Variants in TG observed in about 807,000 individuals in gnomAD.
TG encodes the protein thyroglobulin, also known as thyroid hormones.
In TG, 270 loss-of-function variants were observed where a neutral mutation model predicts 324.7. The observed-to-expected ratio is 0.83, with a 90% CI of 0.75 to 0.92. TG has a LOEUF of 0.92. Among genes scored for constraint, TG ranks in the 40% least tolerant of loss-of-function variants. The pLI is 0.00. For missense variants in TG, 3,591 were observed against 3,456.4 expected (o/e 1.04, Z -0.98); for synonymous variants, 1,401 against 1,327.0 (o/e 1.06, Z -1.21).
At chr8:132,948,734 C>G (rs761789685) in intron 26 of TG, 42 bp from the exon 27 acceptor site, 2 of 1,607,290 alleles carry the variant, frequency 1.2e-6, no homozygotes, top group South Asian at 2.2e-5. Flanking sequence ...CTAAAGGTCC[C>G]CCTCCATCAC....
intron 10 of TG, among the ~76,000 whole-genome samples, chr8:132,889,682 T>G (rs985526470): frequency 6.6e-6 from 1 of 152,234 alleles, no homozygotes; most frequent in Non-Finnish European, 1.5e-5. Flanking sequence ...CATGGGGACA[T>G]TCCTATAATT....
At chr8:133,020,226 G>C (rs879319184) in intron 39 of TG, among the ~76,000 whole-genome samples, 3 of 152,218 alleles carry the variant, frequency 2.0e-5, no homozygotes, top group Non-Finnish European at 4.4e-5. Flanking sequence ...GCATTTCCCA[G>C]TAACAGAGAG....
chr8:132,979,265 C>A (rs978209623), intron 34 of TG, among the ~76,000 whole-genome samples: 1 of 152,186 alleles, frequency 6.6e-6, no homozygotes, highest in Non-Finnish European at 1.5e-5. Flanking sequence ...AGAACTAGGG[C>A]TGCCCATCTT....
chr8:133,060,268 G>A, intron 41 of TG: 9 of 1,605,024 alleles, frequency 5.6e-6, no homozygotes, highest in Non-Finnish European at 7.7e-6. Context: ...GAATGACCCA[G>A]TTTAGAGAGC....
chr8:133,066,394 C>T (rs541784807), intron 41 of TG, among the ~76,000 whole-genome samples: 1 of 149,734 alleles, frequency 6.7e-6, no homozygotes, highest in South Asian at 2.1e-4. Flanking sequence ...GAAAGGAATA[C>T]TAGCTGTGCT....
intron 11 of TG, among the ~76,000 whole-genome samples, chr8:132,896,593 G>C (rs1817135626): frequency 6.6e-6 from 1 of 152,194 alleles, no homozygotes; most frequent in South Asian, 2.1e-4. Context: ...GGCCACTTAG[G>C]AGGAGGGTGG....
intron 21 of TG, among the ~76,000 whole-genome samples, chr8:132,922,228 A>G (rs1162043568): frequency 6.6e-6 from 1 of 152,210 alleles, no homozygotes; most frequent in Non-Finnish European, 1.5e-5. Context: ...TTGAAGGACA[A>G]GGGGACATTA....
In TG at chr8:132,988,064, GCACACA is replaced by G. The variant is rs35161639; in HGVS notation, c.6262+4686_6262+4691del. Reference sequence around the variant, plus strand: ...GAATGGGCAGCTTGTACATACACATGCACACACACACACACACACACACACACACAC... The same window carrying G: ...GAATGGGCAGCTTGTACATACACATGCACACACACACACACACACACACAC... On this transcript the variant is annotated intron_variant, in intron 35 of 47. Coordinates refer to ENST00000220616, the MANE Select transcript of TG (RefSeq NM_003235.5). Among the ~76,000 whole-genome samples the G allele has an allele frequency of 7.2e-3, 974 of 134,632 alleles. 14 individuals carry two copies. The highest frequency in any genetic ancestry group is 0.021 in the African/African-American group (763 of 36,290). 88.3% of individuals were successfully genotyped at this position (134,632 alleles called of 152,430 possible). A position where few individuals can be genotyped will look rare whatever the true frequency, so the allele number is the denominator to read the frequency against.
At chr8:133,113,123 C>A (rs1032244980) in intron 43 of TG, among the ~76,000 whole-genome samples, 17 of 152,186 alleles carry the variant, frequency 1.1e-4, no homozygotes, top group African/African-American at 4.1e-4. Context: ...TTAACCTTAA[C>A]AGAGCACTTA....
At chr8:133,075,439 A>G (rs1441660179) in intron 41 of TG, among the ~76,000 whole-genome samples, 1 of 152,202 alleles carries the variant, frequency 6.6e-6, no homozygotes, top group African/African-American at 2.4e-5. Context: ...CTTGGTGCCA[A>G]TGTGTGCGTC....
Position 132,924,303 on chromosome 8 carries a change from A to G in TG, c.4699+795A>G, listed in dbSNP as rs1035397305. 3.9e-5 allele frequency among the ~76,000 whole-genome samples: 6 copies of G among 152,040 alleles called. No individual in the cohort carries two copies. The South Asian group carries it at 6.2e-4, about 16-fold the overall frequency. On this transcript the variant is annotated intron_variant, in intron 22 of 47. Coordinates refer to ENST00000220616, the MANE Select transcript of TG (RefSeq NM_003235.5). ...TCAGGCAGTAATGCTCACTCTCCCA[A>G]TGCTCACCTCCTGCTGCGTGGCCCA...
At position 133,111,660 on chromosome 8, in the gene TG, C is replaced by T. The variant is rs545585291; in HGVS notation, c.7573-1762C>T. Among the ~76,000 whole-genome samples, 21 of 152,250 alleles carry T rather than the reference C, an allele frequency of 1.4e-4. No homozygotes were observed. In the South Asian group the frequency reaches 4.4e-3, roughly 32 times the overall value. On this transcript the variant is annotated intron_variant, in intron 43 of 47. Transcript: ENST00000220616. ...AAGAGTATGGAGTGTGAACATTATT[C>T]GTGAGTGCTATTTCAGGTCTGTGTC...
chr8:133,055,879 C>T (rs1473142938), intron 41 of TG, among the ~76,000 whole-genome samples: 1 of 151,262 alleles, frequency 6.6e-6, no homozygotes, highest in Non-Finnish European at 1.5e-5. Context: ...GCAGGGCGCA[C>T]AGCTCTGGGG....
intron 45 of TG, among the ~76,000 whole-genome samples, chr8:133,117,074 T>TTTCA (rs1850757650): frequency 6.6e-6 from 1 of 152,240 alleles, no homozygotes; most frequent in Non-Finnish European, 1.5e-5. Context: ...AGGCTTTTCT[T>TTTCA]TTCAGCCAAA....
chr8:132,941,599 C>A (rs990572401), intron 26 of TG, 57 bp downstream of exon 26: 18 of 1,602,910 alleles, frequency 1.1e-5, no homozygotes, highest in Non-Finnish European at 1.4e-5. Flanking sequence ...CACAGGGATG[C>A]AGAAGCCAGG....
At chr8:132,995,731 A>G (rs1242002937) in intron 35 of TG, among the ~76,000 whole-genome samples, 2 of 152,170 alleles carry the variant, frequency 1.3e-5, no homozygotes, top group Admixed American at 6.6e-5. Flanking sequence ...ATCAGATTCA[A>G]TCTGAGCCTT....
intron 41 of TG, among the ~76,000 whole-genome samples, chr8:133,077,811 A>G (rs1845136848): frequency 6.6e-6 from 1 of 151,566 alleles, no homozygotes; most frequent in Non-Finnish European, 1.5e-5. Context: ...TGACCTGTGC[A>G]TTGGAGGATG....
rs112019839 is a variant in TG, at chr8:132,972,102, C to T, written c.6055+229C>T. ...CAGTTCTACCTGGCCAAACTTCCTT[C>T]CTTCTACTCTTGGCTTGGATATCTT... is the stretch of plus-strand genomic sequence containing the variant. On this transcript the variant is annotated intron_variant, in intron 33 of 47. Transcript: ENST00000220616. 5.8e-3 allele frequency among the ~76,000 whole-genome samples: 882 copies of T among 152,230 alleles called. 14 individuals are homozygous for T. Among genetic ancestry groups the T allele is most frequent in the African/African-American group, 0.02 (849 of 41,540 alleles).
intron 1 of TG, 133 bp from the exon 2 acceptor site, chr8:132,867,982 T>C (rs370627552): frequency 1.3e-6 from 1 of 776,586 alleles, no homozygotes. Context: ...TGTGCTTAGC[T>C]GCCAAATTTT....
Sources: gnomAD v4.1 joint callset for allele counts (sites outside exome capture counted in the v4.1 genomes callset) on GRCh38, gnomAD v4.1.1 for gene constraint, MANE v1.5 for transcripts, NCBI Gene and HGNC (gene_info 2026-07-23, HGNC 2026-07-21) for gene names.